ZNF787: variants seen among roughly 807,000 people sequenced by gnomAD.
The protein encoded by ZNF787 is zinc finger protein 787.
In ZNF787, 7 loss-of-function variants were observed where a neutral mutation model predicts 16.9. The ratio of observed to expected loss-of-function variants is 0.42; its 90% CI spans 0.24 to 0.78. The LOEUF is 0.78. ZNF787 is among the 30% of genes least tolerant of loss of function. The pLI is 0.30. For missense variants in ZNF787, 551 were observed against 589.3 expected (o/e 0.94, Z 0.67); for synonymous variants, 345 against 270.9 (o/e 1.27, Z -2.69).
chr19:56,090,836 A>C (rs1013715998), intron 2 of ZNF787, among the ~76,000 whole-genome samples: 1 of 152,014 alleles, frequency 6.6e-6, no homozygotes, highest in African/African-American at 2.4e-5. Context: ...CAAAACAAAA[A>C]CGCTTATGCT....
In ZNF787 at chr19:56,088,031, C is replaced by A. The variant is rs769872714; in HGVS notation, c.1141G>T (p.Gly381Cys). 1,746 of 1,264,114 alleles carry A rather than the reference C, an allele frequency of 1.4e-3. 1 individual carries two copies. The highest frequency in any genetic ancestry group is 1.4e-3 in the Non-Finnish European group (1,408 of 1,001,724). 78.3% of individuals were successfully genotyped at this position (1,264,114 alleles called of 1,614,324 possible). Residue 381 changes from glycine to cysteine, a missense_variant, in exon 3 of 3, where the codon GGC (glycine) becomes TGC (cysteine). By Grantham distance (159) the Gly-to-Cys change is radical. Around this residue, in one of 4 missense-constraint regions of ZNF787, gnomAD observed 392 missense variants for 312.7 expected, o/e 1.25. Transcript: ENST00000610935. This position sits in a 1 kb window ranked among gnomAD's most constrained non-coding sequence, Gnocchi z 8.6. ...CCCCCCGGGCCCCTCCCCTACCGGCCCTCCCCACCGCGGCACTCGGGGCAC... is the reference window on the plus strand; with the variant it reads ...CCCCCCGGGCCCCTCCCCTACCGGCACTCCCCACCGCGGCACTCGGGGCAC... ...GRCPECRGGE[G>C]R
Position 56,087,852 on chromosome 19 carries a change from C to G in ZNF787, c.*171G>C, listed in dbSNP as rs1223266839. The G allele has an allele frequency of 2.8e-5, 31 of 1,089,858 alleles. No homozygotes were observed. The highest frequency in any genetic ancestry group is 3.4e-5 in the Non-Finnish European group (29 of 854,462). 67.5% of individuals were successfully genotyped at this position (1,089,858 alleles called of 1,614,324 possible). A position where few individuals can be genotyped will look rare whatever the true frequency, so the allele number is the denominator to read the frequency against. ...GCGGAGAAGTGAACGGGCCCTAATA[C>G]GCCCCAGTGCCCCCCCACGGACGGC... On this transcript the variant is annotated 3_prime_UTR_variant, in exon 3 of 3. Transcript: ENST00000610935.
chr19:56,119,883 A>G (rs1458308879), intron 1 of ZNF787, among the ~76,000 whole-genome samples: 1 of 152,244 alleles, frequency 6.6e-6, no homozygotes, highest in Non-Finnish European at 1.5e-5. Flanking sequence ...CTAAGCCAGG[A>G]TCAACGCAAC....
intron 2 of ZNF787, among the ~76,000 whole-genome samples, chr19:56,090,009 G>C (rs940772799): frequency 6.6e-6 from 1 of 152,170 alleles, no homozygotes; most frequent in African/African-American, 2.4e-5. Context: ...GCCTCAGCAA[G>C]TGCATCTCTG....
intron 1 of ZNF787, among the ~76,000 whole-genome samples, chr19:56,112,632 A>G (rs1303782521): frequency 7.4e-6 from 1 of 135,474 alleles, no homozygotes; most frequent in Non-Finnish European, 1.6e-5. Context: ...TCTGGCACCC[A>G]CCTGCTTTCT....
At chr19:56,092,619 T>G (rs998095083) in intron 2 of ZNF787, among the ~76,000 whole-genome samples, 1 of 152,066 alleles carries the variant, frequency 6.6e-6, no homozygotes, top group African/African-American at 2.4e-5. Context: ...CTTTTCTTTG[T>G]GACATCTGCA....
chr19:56,102,876 AC>A (rs1986155369), intron 2 of ZNF787: 1 of 702,896 alleles, frequency 1.4e-6, no homozygotes, highest in South Asian at 1.5e-5. Context: ...AGGGGCAAGG[AC>A]AGAGGAAGTC....
Position 56,088,651 on chromosome 19 carries a change from C to T in ZNF787, c.521G>A (p.Gly174Asp). The change falls in exon 3 of 3, where the codon GGC (glycine) becomes GAC (aspartate). Residue 174 changes from glycine to aspartate, a missense_variant. Gly to Asp is a moderately conservative substitution (Grantham distance 94, BLOSUM62 -1). This residue lies in a region of ZNF787 where 40 missense variants were observed against 60.7 expected (regional missense o/e 0.66). Transcript: ENST00000610935. This position sits in a 1 kb window ranked among gnomAD's most constrained non-coding sequence, Gnocchi z 8.6. ...GCGCGGGCACACGAAGGGCTTGAGG[C>T]CGCTGTGCGAGCGCCGGTGCTTGGC... Reference protein sequence around the residue: ...SLAKHRRSHSGLKPFVCPRCG... With the variant: ...SLAKHRRSHSDLKPFVCPRCG... 1.3e-6 allele frequency: 2 copies of T among 1,554,254 alleles called. No homozygotes were observed. The highest frequency in any genetic ancestry group is 1.4e-5 in the African/African-American group (1 of 72,686).
Position 56,110,669 on chromosome 19 carries a change from A to G in ZNF787, c.-10-7442T>C, listed in dbSNP as rs1198339355. Among the ~76,000 whole-genome samples, 7 of 152,346 alleles carry G rather than the reference A, an allele frequency of 4.6e-5. No individual in the cohort carries two copies. In the East Asian group the frequency reaches 1.3e-3, roughly 29 times the overall value. On this transcript the variant is annotated intron_variant, in intron 1 of 2. Coordinates refer to ENST00000610935, the MANE Select transcript of ZNF787 (RefSeq NM_001002836.4). ...TGTACTTCCAGTGAAACTCTATCAC[A>G]TAACTCAATAAAAGCAGGGACTTCC...
Position 56,087,876 on chromosome 19 carries a change from G to T in ZNF787, c.*147C>A, listed in dbSNP as rs1985356043. ...ACGCCCCAGTGCCCCCCCACGGACG[G>T]CGCAGGGACAGAGGAGGGCGGGGAG... On this transcript the variant is annotated 3_prime_UTR_variant, in exon 3 of 3. Coordinates refer to ENST00000610935, the MANE Select transcript of ZNF787 (RefSeq NM_001002836.4). 1.6e-6 allele frequency: 2 copies of T among 1,235,388 alleles called. No individual in the cohort carries two copies. Among genetic ancestry groups the T allele is most frequent in the Non-Finnish European group, 2.0e-6 (2 of 976,902 alleles). 76.5% of individuals were successfully genotyped at this position (1,235,388 alleles called of 1,614,324 possible). A position where few individuals can be genotyped will look rare whatever the true frequency, so the allele number is the denominator to read the frequency against.
In ZNF787 at chr19:56,088,364, G is replaced by T. The variant is rs1254974397; in HGVS notation, c.808C>A (p.Arg270=). 1.9e-6 allele frequency: 2 copies of T among 1,075,040 alleles called. No homozygotes were observed. The highest frequency in any genetic ancestry group is 3.4e-5 in the African/African-American group (2 of 58,028). The allele number at this position is 1,075,040 out of a possible 1,614,324, so 66.6% of individuals were successfully genotyped here. Residue 270 remains arginine, a synonymous_variant, in exon 3 of 3, where the codon CGG becomes AGG. Coordinates refer to ENST00000610935, the MANE Select transcript of ZNF787 (RefSeq NM_001002836.4). This position sits in a 1 kb window ranked among gnomAD's most constrained non-coding sequence, Gnocchi z 8.6. ...TTGGGGGCCGGGGCGCGCCGCGACC[G>T]GGGCCCCGCGGCCTTTGCCCCCGCG... ...AGAGAKAAGP[R]SRRAPAPKPY...
intron 2 of ZNF787, among the ~76,000 whole-genome samples, chr19:56,100,906 G>C (rs1388051632): frequency 2.8e-5 from 4 of 143,208 alleles, no homozygotes; most frequent in African/African-American, 1.1e-4. Flanking sequence ...CCATGGCCAG[G>C]CCAACCCCCA....
In ZNF787 at chr19:56,089,070, A is replaced by G. The variant is rs779337991; in HGVS notation, c.102T>C (p.Asp34=). ...TGGGAGGCCAGCTGGGGACGTCGTC[A>G]TCATCCATGATGAGGATGTCCACTG... ...ENPVDILIMD[D]DDVPSWPPTK... The change falls in exon 3 of 3, where the codon GAT becomes GAC. Residue 34 remains aspartate (D), a synonymous_variant. Transcript: ENST00000610935. The G allele has an allele frequency of 2.7e-6, 4 of 1,468,518 alleles. No individual in the cohort carries two copies. The highest frequency in any genetic ancestry group is 3.6e-6 in the Non-Finnish European group (4 of 1,112,846). 91.0% of individuals were successfully genotyped at this position (1,468,518 alleles called of 1,614,324 possible).
intron 1 of ZNF787, among the ~76,000 whole-genome samples, chr19:56,118,697 G>A (rs1180358972): frequency 6.6e-6 from 1 of 152,176 alleles, no homozygotes; most frequent in African/African-American, 2.4e-5. Context: ...ACACCACAGA[G>A]GCCCCAGCAC....
chr19:56,088,336 G>A lies in ZNF787; in HGVS notation c.836C>T (p.Pro279Leu), dbSNP rs1372299933. The A allele has an allele frequency of 2.5e-5, 31 of 1,222,844 alleles. No homozygotes were observed. Among genetic ancestry groups the A allele is most frequent in the East Asian group, 3.8e-5 (1 of 26,068 alleles). The allele number at this position is 1,222,844 out of a possible 1,614,324, so 75.7% of individuals were successfully genotyped here. Residue 279 changes from proline to leucine, a missense_variant, in exon 3 of 3, where the codon CCG (proline) becomes CTG (leucine). Around this residue, in one of 4 missense-constraint regions of ZNF787, gnomAD observed 392 missense variants for 312.7 expected, o/e 1.25. Transcript: ENST00000610935. This position sits in a 1 kb window ranked among gnomAD's most constrained non-coding sequence, Gnocchi z 8.6. ...CTTCCCGCACTCCAGACACACGTAC[G>A]GCTTGGGGGCCGGGGCGCGCCGCGA... Reference protein sequence around the residue: ...PRSRRAPAPKPYVCLECGKGF... With the variant: ...PRSRRAPAPKLYVCLECGKGF...
chr19:56,088,407 G>C lies in ZNF787; in HGVS notation c.765C>G (p.Ala255=), dbSNP rs1297728300. 1 of 1,116,654 alleles carries C rather than the reference G, an allele frequency of 9.0e-7. No individual in the cohort carries two copies. Among genetic ancestry groups the C allele is most frequent in the Non-Finnish European group, 1.1e-6 (1 of 915,034 alleles). 69.2% of individuals were successfully genotyped at this position (1,116,654 alleles called of 1,614,324 possible). A position where few individuals can be genotyped will look rare whatever the true frequency, so the allele number is the denominator to read the frequency against. ...VVGAPGEGAA[A]AAAMAGAGAK... is the part of the protein sequence containing the mutation. Reference sequence around the variant, plus strand: ...CCCCCGCGCCCGCCATGGCTGCCGCGGCCGCGGCCCCCTCGCCCGGCGCGC... The same window carrying C: ...CCCCCGCGCCCGCCATGGCTGCCGCCGCCGCGGCCCCCTCGCCCGGCGCGC... Residue 255 remains alanine (A), a synonymous_variant, in exon 3 of 3, where the codon GCC becomes GCG. Coordinates refer to ENST00000610935, the MANE Select transcript of ZNF787 (RefSeq NM_001002836.4). This position sits in a 1 kb window ranked among gnomAD's most constrained non-coding sequence, Gnocchi z 8.6.
At chr19:56,098,896 G>A (rs1336955178) in intron 2 of ZNF787, among the ~76,000 whole-genome samples, 2 of 152,140 alleles carry the variant, frequency 1.3e-5, no homozygotes, top group East Asian at 3.9e-4. Context: ...ATGGAGCCTA[G>A]GTGATAAGGC....
intron 1 of ZNF787, among the ~76,000 whole-genome samples, chr19:56,117,431 A>G (rs1312628521): frequency 6.6e-6 from 1 of 150,808 alleles, no homozygotes; most frequent in Non-Finnish European, 1.5e-5. Flanking sequence ...CGGAGTGGCT[A>G]GTACAATCTC....
chr19:56,115,504 G>A lies in ZNF787; in HGVS notation c.-11+5668C>T, dbSNP rs552743241. ...CTCCCGAGTAGCTGGGACTACAGGC[G>A]CCCACCACCACGCCCGGCTAACTTT... On this transcript the variant is annotated intron_variant, in intron 1 of 2. Coordinates refer to ENST00000610935, the MANE Select transcript of ZNF787 (RefSeq NM_001002836.4). Among the ~76,000 whole-genome samples, 20 of 151,918 alleles carry A rather than the reference G, an allele frequency of 1.3e-4. No individual in the cohort carries two copies. The South Asian group carries it at 4.0e-3, about 30-fold the overall frequency.
Sources: allele counts gnomAD v4.1 joint callset (sites outside exome capture counted in the v4.1 genomes callset), GRCh38; gene constraint gnomAD v4.1.1; regional missense constraint gnomAD v4.1.1; non-coding constraint Gnocchi (gnomAD v3.1); transcripts MANE v1.5; gene names NCBI Gene and HGNC (gene_info 2026-07-23, HGNC 2026-07-21).